ATAD2B: variants seen among roughly 807,000 people sequenced by gnomAD.
ATAD2B encodes the protein ATPase family AAA domain-containing protein 2B.
A neutral mutation model predicts 167.6 loss-of-function variants in ATAD2B; 40 were observed. The ratio of observed to expected loss-of-function variants is 0.24; its 90% CI spans 0.19 to 0.31. ATAD2B has a LOEUF of 0.31. Ranked by LOEUF, ATAD2B falls within the 10% of genes least tolerant of loss-of-function variation. The probability of loss-of-function intolerance (pLI) is 1.00; values close to 1 mark genes in which losing one functional copy is unlikely to be tolerated. For missense variants in ATAD2B, 1,242 were observed against 1,757.2 expected, an observed-to-expected ratio of 0.71 and a Z score of 5.24; for synonymous variants, 579 against 596.5, an observed-to-expected ratio of 0.97 and a Z score of 0.43.
At chr2:23,892,125 G>C (rs1186773123) in intron 2 of ATAD2B, among the ~76,000 whole-genome samples, 3 of 152,072 alleles carry the variant, frequency 2.0e-5, no homozygotes, top group South Asian at 4.1e-4. Flanking sequence ...ACCACAAAAG[G>C]AAACTTTCAA....
intron 12 of ATAD2B, among the ~76,000 whole-genome samples, chr2:23,862,761 T>C (rs1694602144): frequency 2.0e-5 from 3 of 151,664 alleles, no homozygotes; most frequent in Admixed American, 2.0e-4. Context: ...GTGAGATTTC[T>C]TGCACAGATA....
At chr2:23,868,305 CTGAT>C (rs963782265) in intron 9 of ATAD2B, among the ~76,000 whole-genome samples, 3 of 152,134 alleles carry the variant, frequency 2.0e-5, no homozygotes, top group Non-Finnish European at 4.4e-5. Flanking sequence ...AATTAAGCTA[CTGAT>C]TGATTGATTG....
intron 23 of ATAD2B, among the ~76,000 whole-genome samples, chr2:23,765,180 A>G (rs1677238964): frequency 1.3e-5 from 2 of 152,230 alleles, no homozygotes; most frequent in Admixed American, 1.3e-4. Context: ...CAGAAAGTAA[A>G]CTGATGAAAA....
chr2:23,701,712 G>A, the ATAD2B span, among the ~76,000 whole-genome samples: 3 of 150,732 alleles, frequency 2.0e-5, no homozygotes, highest in East Asian at 5.8e-4. Context: ...GCAAGACCCT[G>A]CCTCAAACAA....
chr2:23,878,033 A>AAAAAAAAAAAAAAAAT (rs1697268222), intron 7 of ATAD2B, among the ~76,000 whole-genome samples: 1 of 147,494 alleles, frequency 6.8e-6, no homozygotes, highest in African/African-American at 2.5e-5. Context: ...AAAAAAAAAA[A>AAAAAAAAAAAAAAAAT]AAAAAAGCAA....
intron 22 of ATAD2B, among the ~76,000 whole-genome samples, chr2:23,781,351 A>AATAC (rs1219500987): frequency 4.6e-4 from 69 of 150,600 alleles, no homozygotes; most frequent in Admixed American, 9.9e-4. Context: ...TAAATAAATA[A>AATAC]ATAAATAAAT....
At chr2:23,772,853 C>G (rs1219990740) in intron 22 of ATAD2B, among the ~76,000 whole-genome samples, 1 of 152,092 alleles carries the variant, frequency 6.6e-6, no homozygotes, top group Non-Finnish European at 1.5e-5. Flanking sequence ...TGCCTCAGTG[C>G]CCCGAGCAGC....
At chr2:23,705,275 G>A in the ATAD2B span, among the ~76,000 whole-genome samples, 12 of 152,162 alleles carry the variant, frequency 7.9e-5, no homozygotes, top group Non-Finnish European at 1.5e-4. Context: ...AATGGATCAC[G>A]AGGTCAGGAG....
chr2:23,864,910 G>A lies in ATAD2B; in HGVS notation c.1203C>T (p.Ser401=). ...GAATATGATGGCTCAATCCACCTAT[G>A]CTATCAAACCGTACCTTGGAAAGAA... ...MNIDKSVRFD[S]IGGLSHHIHA... Residue 401 remains serine, a synonymous_variant, in exon 11 of 28, where the codon AGC becomes AGT. Coordinates refer to ENST00000238789, the MANE Select transcript of ATAD2B (RefSeq NM_017552.4). The A allele has an allele frequency of 1.3e-6, 2 of 1,587,786 alleles. No individual in the cohort carries two copies. Among genetic ancestry groups the A allele is most frequent in the Non-Finnish European group, 1.7e-6 (2 of 1,168,500 alleles).
chr2:23,789,831 C>T (rs1380912063), intron 19 of ATAD2B, among the ~76,000 whole-genome samples: 3 of 151,970 alleles, frequency 2.0e-5, no homozygotes, highest in Non-Finnish European at 4.4e-5. Context: ...GAAACTGGGG[C>T]TTAGAAAGAT....
At chr2:23,818,096 TACACACACACAC>T (rs70941591) in intron 17 of ATAD2B, among the ~76,000 whole-genome samples, 2 of 139,442 alleles carry the variant, frequency 1.4e-5, no homozygotes, top group Non-Finnish European at 3.1e-5. Flanking sequence ...ACACACACAT[TACACACACACAC>T]ACACACACAC....
the ATAD2B span, among the ~76,000 whole-genome samples, chr2:23,738,833 C>T: frequency 6.6e-6 from 1 of 151,698 alleles, no homozygotes; most frequent in Non-Finnish European, 1.5e-5. Context: ...CACATAGGCT[C>T]AAAATAAAGG....
intron 1 of ATAD2B, among the ~76,000 whole-genome samples, chr2:23,897,312 T>C (rs1277721770): frequency 6.6e-6 from 1 of 152,232 alleles, no homozygotes; most frequent in Non-Finnish European, 1.5e-5. Context: ...CAACCTGGTG[T>C]CTGCCAGGTT....
chr2:23,764,703 GAA>G (rs1164229115), intron 23 of ATAD2B, among the ~76,000 whole-genome samples: 1 of 152,194 alleles, frequency 6.6e-6, no homozygotes, highest in Non-Finnish European at 1.5e-5. Context: ...AAAGGTAGAA[GAA>G]AAGTTTCTTC....
At chr2:23,847,153 T>C (rs1691785971) in intron 13 of ATAD2B, among the ~76,000 whole-genome samples, 1 of 134,062 alleles carries the variant, frequency 7.5e-6, no homozygotes, top group Non-Finnish European at 1.6e-5. Context: ...GGCATATCAC[T>C]TGAGCCCAGG....
intron 25 of ATAD2B, among the ~76,000 whole-genome samples, chr2:23,756,611 CCT>C (rs947200318): frequency 6.6e-6 from 1 of 152,132 alleles, no homozygotes; most frequent in Non-Finnish European, 1.5e-5. Flanking sequence ...CCCTTAACTC[CCT>C]CTTTCTGCTG....
downstream of ATAD2B, among the ~76,000 whole-genome samples, chr2:23,746,625 G>A (rs551001703): frequency 4.7e-4 from 71 of 152,246 alleles, no homozygotes; most frequent in African/African-American, 1.7e-3. Flanking sequence ...AACAGGAATG[G>A]AGAAAGGGTG....
At chr2:23,818,087 C>CACAATT (rs1277836745) in intron 17 of ATAD2B, among the ~76,000 whole-genome samples, 2 of 112,114 alleles carry the variant, frequency 1.8e-5, no homozygotes, top group African/African-American at 7.6e-5. Context: ...AACACACACA[C>CACAATT]ACACACATTA....
intron 1 of ATAD2B, among the ~76,000 whole-genome samples, chr2:23,910,498 T>C (rs544698215): frequency 2.0e-5 from 3 of 151,592 alleles, no homozygotes; most frequent in African/African-American, 7.3e-5. Flanking sequence ...TTTATCTTCA[T>C]TGTCTGGTCA....
Sources: gnomAD v4.1 joint callset for allele counts (sites outside exome capture counted in the v4.1 genomes callset) on GRCh38, gnomAD v4.1.1 for gene constraint, MANE v1.5 for transcripts, NCBI Gene and HGNC (gene_info 2026-07-23, HGNC 2026-07-21) for gene names.